The following PRKCA variants were observed in gnomAD, a reference collection of about 807,000 sequenced individuals.
PRKCA encodes the protein protein kinase C alpha, also known as protein kinase C alpha type.
In PRKCA, 27 loss-of-function variants were observed where a neutral mutation model predicts 87.0. That is an observed-to-expected ratio of 0.31 (90% CI 0.23 to 0.43). PRKCA has a LOEUF of 0.43. Among genes scored for constraint, PRKCA ranks in the 20% least tolerant of loss-of-function variants. The pLI is 1.00. For missense variants in PRKCA, 518 were observed against 852.3 expected (o/e 0.61, Z 4.88); for synonymous variants, 329 against 311.1 (o/e 1.06, Z -0.61).
chr17:66,754,057 G>T (rs1974492928), intron 13 of PRKCA, among the ~76,000 whole-genome samples: 1 of 152,024 alleles, frequency 6.6e-6, no homozygotes, highest in African/African-American at 2.4e-5. Context: ...TTAGATAAAG[G>T]CTGTGTGAGT....
chr17:66,617,304 C>A (rs192592702), intron 3 of PRKCA, among the ~76,000 whole-genome samples: 2 of 152,172 alleles, frequency 1.3e-5, no homozygotes, highest in East Asian at 1.9e-4. Context: ...GAGCTTTTTC[C>A]CATCCTGGCT....
At chr17:66,622,158 C>T (rs1282068992) in intron 3 of PRKCA, among the ~76,000 whole-genome samples, 1 of 152,166 alleles carries the variant, frequency 6.6e-6, no homozygotes, top group East Asian at 1.9e-4. Context: ...CACTGCACTT[C>T]AGCCTGGGTG....
chr17:66,532,063 A>T (rs180815261), intron 3 of PRKCA, among the ~76,000 whole-genome samples: 2 of 152,194 alleles, frequency 1.3e-5, no homozygotes, highest in East Asian at 3.9e-4. Flanking sequence ...TGCTGAGCAG[A>T]TCAGGGTGAA....
chr17:66,734,171 G>A (rs1973967773), intron 9 of PRKCA, among the ~76,000 whole-genome samples: 1 of 152,182 alleles, frequency 6.6e-6, no homozygotes, highest in Non-Finnish European at 1.5e-5. Context: ...ACCCCAAGAG[G>A]AGGGTTCTTG....
intron 2 of PRKCA, among the ~76,000 whole-genome samples, chr17:66,474,463 C>G (rs1915456376): frequency 6.6e-6 from 1 of 152,164 alleles, no homozygotes; most frequent in Admixed American, 6.5e-5. Context: ...GAAAAGCACA[C>G]TTTTAAGCTA....
At chr17:66,581,894 C>T (rs748203350) in intron 3 of PRKCA, among the ~76,000 whole-genome samples, 2 of 152,114 alleles carry the variant, frequency 1.3e-5, no homozygotes, top group South Asian at 2.1e-4. Context: ...GTCCTTTTGC[C>T]GTGTCTCTTT....
chr17:66,551,478 G>A (rs1016567466), intron 3 of PRKCA, among the ~76,000 whole-genome samples: 1 of 152,210 alleles, frequency 6.6e-6, no homozygotes, highest in African/African-American at 2.4e-5. Context: ...CTTGATTCTC[G>A]CCATAGGGCA....
intron 2 of PRKCA, among the ~76,000 whole-genome samples, chr17:66,449,300 A>AAAACG: frequency 6.6e-6 from 1 of 152,138 alleles, no homozygotes; most frequent in Non-Finnish European, 1.5e-5. Context: ...AAAACAAAAC[A>AAAACG]AAACAAAACA....
chr17:66,525,538 G>A (rs895080099), intron 3 of PRKCA, among the ~76,000 whole-genome samples: 8 of 152,154 alleles, frequency 5.3e-5, no homozygotes, highest in Non-Finnish European at 8.8e-5. Context: ...ATTAGCGCTG[G>A]CACGTGTGAG....
chr17:66,519,601 T>C (rs1967089093), intron 3 of PRKCA, among the ~76,000 whole-genome samples: 1 of 152,054 alleles, frequency 6.6e-6, no homozygotes, highest in Admixed American at 6.6e-5. Flanking sequence ...TTAAATGGGG[T>C]GGATGATGAT....
At chr17:66,711,129 G>A (rs1679889442) in intron 8 of PRKCA, among the ~76,000 whole-genome samples, 1 of 152,142 alleles carries the variant, frequency 6.6e-6, no homozygotes, top group Admixed American at 6.6e-5. Flanking sequence ...TAAAGTTCAA[G>A]TCTGTATTGA....
At chr17:66,627,070 C>A (rs1970877570) in intron 3 of PRKCA, among the ~76,000 whole-genome samples, 1 of 152,112 alleles carries the variant, frequency 6.6e-6, no homozygotes, top group Admixed American at 6.6e-5. Context: ...GAATTTCTGC[C>A]TTTATTTTAA....
At chr17:66,785,102 A>C (rs1975346865) in intron 14 of PRKCA, among the ~76,000 whole-genome samples, 1 of 152,114 alleles carries the variant, frequency 6.6e-6, no homozygotes, top group East Asian at 1.9e-4. Flanking sequence ...GTGGTACCAG[A>C]CACCCAGGCC....
chr17:66,694,142 A>G (rs1264247770), intron 8 of PRKCA, among the ~76,000 whole-genome samples: 4 of 152,166 alleles, frequency 2.6e-5, no homozygotes, highest in Non-Finnish European at 4.4e-5. Context: ...TCTCGATTCA[A>G]TGGTTTGATG....
chr17:66,660,725 T>TA (rs1259998780), intron 5 of PRKCA, among the ~76,000 whole-genome samples: 1 of 151,816 alleles, frequency 6.6e-6, no homozygotes, highest in Non-Finnish European at 1.5e-5. Flanking sequence ...CTGTCTCTAC[T>TA]AAAAAATATA....
At chr17:66,603,555 G>A (rs9895536) in intron 3 of PRKCA, among the ~76,000 whole-genome samples, 2 of 152,066 alleles carry the variant, frequency 1.3e-5, no homozygotes, top group Non-Finnish European at 1.5e-5. Flanking sequence ...AGAGGTGAAG[G>A]TCCCTTCTAT....
chr17:66,667,176 G>A (rs549449749), intron 5 of PRKCA, among the ~76,000 whole-genome samples: 15 of 152,268 alleles, frequency 9.9e-5, no homozygotes, highest in African/African-American at 3.1e-4. Flanking sequence ...ATGTCTGCGT[G>A]TTTAGTTCAG....
intron 2 of PRKCA, among the ~76,000 whole-genome samples, chr17:66,461,728 G>GATACTTGAGAACCTTCTTGGC (rs1914861411): frequency 1.3e-5 from 2 of 152,200 alleles, no homozygotes; most frequent in South Asian, 2.1e-4. Flanking sequence ...TATGATAGCA[G>GATACTTGAGAACCTTCTTGGC]ATACTTGAGA....
At chr17:66,540,495 G>A (rs1017284574) in intron 3 of PRKCA, among the ~76,000 whole-genome samples, 11 of 152,188 alleles carry the variant, frequency 7.2e-5, no homozygotes, top group Non-Finnish European at 1.2e-4. Flanking sequence ...CTCATAAATA[G>A]CCCAGAGCAG....
Sources: gnomAD v4.1 joint callset for allele counts (sites outside exome capture counted in the v4.1 genomes callset) on GRCh38, gnomAD v4.1.1 for gene constraint, MANE v1.5 for transcripts, NCBI Gene and HGNC (gene_info 2026-07-23, HGNC 2026-07-21) for gene names.